KCNIP1: variants seen among roughly 807,000 people sequenced by gnomAD.
KCNIP1 encodes A-type potassium channel modulatory protein KCNIP1.
A neutral mutation model predicts 33.0 loss-of-function variants in KCNIP1; 18 were observed. The observed-to-expected ratio is 0.55, with a 90% CI of 0.38 to 0.81. KCNIP1 has a LOEUF of 0.81. KCNIP1 is among the 30% of genes least tolerant of loss of function. The pLI is 0.00. For missense variants in KCNIP1, 238 were observed against 271.6 expected (o/e 0.88, Z 0.87); for synonymous variants, 93 against 98.3 (o/e 0.95, Z 0.32).
At chr5:170,534,917 G>C (rs891111155) in intron 1 of KCNIP1, among the ~76,000 whole-genome samples, 2 of 151,988 alleles carry the variant, frequency 1.3e-5, no homozygotes, top group Non-Finnish European at 2.9e-5. Flanking sequence ...CCTGTGTGCA[G>C]CGGGCTGTGC....
At chr5:170,734,422 A>G (rs1443648256) in intron 7 of KCNIP1, among the ~76,000 whole-genome samples, 13 of 152,180 alleles carry the variant, frequency 8.5e-5, no homozygotes, top group Non-Finnish European at 1.0e-4. Context: ...TGTGTGAAAC[A>G]ATATCCTTGA....
intron 1 of KCNIP1, among the ~76,000 whole-genome samples, chr5:170,485,089 C>A (rs964385500): frequency 2.0e-5 from 3 of 151,928 alleles, no homozygotes; most frequent in Non-Finnish European, 4.4e-5. Flanking sequence ...TACAGTCATG[C>A]GCCACCACGC....
At chr5:170,567,309 G>A (rs1293543492) in intron 1 of KCNIP1, among the ~76,000 whole-genome samples, 2 of 152,186 alleles carry the variant, frequency 1.3e-5, no homozygotes, top group Non-Finnish European at 2.9e-5. Context: ...AGTCCAAAAT[G>A]CCATAGTGTC....
chr5:170,483,637 G>A (rs1037928773), intron 1 of KCNIP1, among the ~76,000 whole-genome samples: 4 of 152,134 alleles, frequency 2.6e-5, no homozygotes, highest in African/African-American at 7.2e-5. Flanking sequence ...CTTTACAGCT[G>A]TATCCTGCAA....
chr5:170,661,941 T>G (rs1311021554), intron 1 of KCNIP1, among the ~76,000 whole-genome samples: 1 of 152,160 alleles, frequency 6.6e-6, no homozygotes, highest in Non-Finnish European at 1.5e-5. Flanking sequence ...CTTGCAAGGC[T>G]CGAGCACAAC....
intron 1 of KCNIP1, chr5:170,383,962 A>C (rs703507): frequency 0.48 from 519,283 of 1,079,092 alleles, 126,150 homozygotes; most frequent in Admixed American, 0.52. Flanking sequence ...CAGGACTGGG[A>C]TCCTCATCTT....
chr5:170,617,734 C>T (rs1231475384), intron 1 of KCNIP1, among the ~76,000 whole-genome samples: 1 of 152,182 alleles, frequency 6.6e-6, no homozygotes, highest in Admixed American at 6.5e-5. Flanking sequence ...TTTTGTAGCC[C>T]TGTTCCCCAA....
intron 1 of KCNIP1, among the ~76,000 whole-genome samples, chr5:170,439,958 T>C (rs1354369947): frequency 2.0e-5 from 3 of 152,226 alleles, no homozygotes; most frequent in Admixed American, 1.3e-4. Context: ...GAGTTCTGTC[T>C]TCCCCAAACT....
intron 1 of KCNIP1, among the ~76,000 whole-genome samples, chr5:170,684,083 G>GT (rs1350023533): frequency 6.6e-6 from 1 of 152,148 alleles, no homozygotes; most frequent in Non-Finnish European, 1.5e-5. Flanking sequence ...TTTTAGAACA[G>GT]TATACAGATA....
intron 1 of KCNIP1, among the ~76,000 whole-genome samples, chr5:170,397,543 G>C (rs905982728): frequency 6.6e-6 from 1 of 152,206 alleles, no homozygotes; most frequent in Non-Finnish European, 1.5e-5. Flanking sequence ...AAGGTATGTA[G>C]GTAGGGACTC....
At chr5:170,432,344 A>G (rs1466960893) in intron 1 of KCNIP1, among the ~76,000 whole-genome samples, 1 of 152,254 alleles carries the variant, frequency 6.6e-6, no homozygotes, top group Non-Finnish European at 1.5e-5. Flanking sequence ...AACTGCTTAA[A>G]TGAGATAATA....
intron 1 of KCNIP1, among the ~76,000 whole-genome samples, chr5:170,513,796 A>T (rs1198406912): frequency 2.0e-5 from 3 of 152,232 alleles, no homozygotes; most frequent in African/African-American, 7.2e-5. Flanking sequence ...AAATGTGACT[A>T]AAGTAGGAGT....
intron 1 of KCNIP1, among the ~76,000 whole-genome samples, chr5:170,553,347 A>G (rs1390712592): frequency 6.6e-6 from 1 of 152,214 alleles, no homozygotes; most frequent in Non-Finnish European, 1.5e-5. Flanking sequence ...CTTGACCAAT[A>G]TTAATTTTCA....
chr5:170,623,785 A>C (rs1404327568), intron 1 of KCNIP1, among the ~76,000 whole-genome samples: 1 of 152,202 alleles, frequency 6.6e-6, no homozygotes, highest in Non-Finnish European at 1.5e-5. Flanking sequence ...CATGATGTCA[A>C]GTGCGGGGCC....
At chr5:170,536,104 T>C (rs184148684) in intron 1 of KCNIP1, among the ~76,000 whole-genome samples, 36 of 152,330 alleles carry the variant, frequency 2.4e-4, no homozygotes, top group Non-Finnish European at 4.1e-4. Context: ...TCACACATGG[T>C]AAGCATTTAA....
At chr5:170,475,235 C>A (rs948273269) in intron 1 of KCNIP1, among the ~76,000 whole-genome samples, 2 of 152,254 alleles carry the variant, frequency 1.3e-5, no homozygotes, top group African/African-American at 2.4e-5. Context: ...GTCCAGCTGG[C>A]TTCACCTCTC....
chr5:170,393,720 G>A (rs1298529114), intron 1 of KCNIP1, among the ~76,000 whole-genome samples: 3 of 152,116 alleles, frequency 2.0e-5, no homozygotes, highest in Non-Finnish European at 2.9e-5. Context: ...AACAAGACAC[G>A]ACAAAAAACA....
At chr5:170,385,272 A>G in intron 1 of KCNIP1, 1 of 1,606,804 alleles carries the variant, frequency 6.2e-7, no homozygotes. Context: ...CCAGACCCTT[A>G]GGAGAGGGTT....
At chr5:170,578,803 A>C (rs1757692443) in intron 1 of KCNIP1, among the ~76,000 whole-genome samples, 1 of 152,216 alleles carries the variant, frequency 6.6e-6, no homozygotes, top group African/African-American at 2.4e-5. Flanking sequence ...AATCTCTCTG[A>C]AAAGAGGATG....
Sources: gnomAD v4.1 joint callset for allele counts (sites outside exome capture counted in the v4.1 genomes callset) on GRCh38, gnomAD v4.1.1 for gene constraint, MANE v1.5 for transcripts, NCBI Gene and HGNC (gene_info 2026-07-23, HGNC 2026-07-21) for gene names.